The following PPP2R5C variants were observed in gnomAD, a reference collection of about 807,000 sequenced individuals.
PPP2R5C encodes serine/threonine-protein phosphatase 2A 56 kDa regulatory subunit gamma isoform.
Under a neutral mutation model 68.9 loss-of-function variants are expected in PPP2R5C, and 7 were observed. That is an observed-to-expected ratio of 0.10 (90% CI 0.06 to 0.19). The LOEUF (loss-of-function observed/expected upper bound fraction) is 0.19. Among genes scored for constraint, PPP2R5C ranks in the 10% least tolerant of loss-of-function variants. The pLI, the probability that PPP2R5C is intolerant of heterozygous loss-of-function variation, is 1.00. For missense variants in PPP2R5C, 348 were observed against 641.3 expected, an observed-to-expected ratio of 0.54 and a Z score of 4.94; for synonymous variants, 210 against 222.2, an observed-to-expected ratio of 0.95 and a Z score of 0.49.
intron 2 of PPP2R5C, among the ~76,000 whole-genome samples, chr14:101,770,381 C>T (rs958428562): frequency 6.6e-6 from 1 of 152,180 alleles, no homozygotes; most frequent in Admixed American, 6.5e-5. Flanking sequence ...TGAAGTGTAG[C>T]ACCTGTTGCT....
rs753931758 is a variant in PPP2R5C, at chr14:101,890,314, G to A, written c.689+18G>A. 1.2e-5 allele frequency: 19 copies of A among 1,607,862 alleles called. No individual in the cohort carries two copies. Among genetic ancestry groups the A allele is most frequent in the Non-Finnish European group, 1.5e-5 (18 of 1,174,674 alleles). ...TTGGGAAGGTAAGCCTCTGTTATGG[G>A]TAGCAAACGGCTGTAGATGGAATTT... On this transcript the variant is annotated intron_variant, in intron 6 of 13. Transcript: ENST00000334743.
intron 8 of PPP2R5C, among the ~76,000 whole-genome samples, chr14:101,898,940 T>C (rs2045519376): frequency 6.6e-6 from 1 of 152,154 alleles, no homozygotes; most frequent in Admixed American, 6.5e-5. Flanking sequence ...TTGGTAGCAC[T>C]AAGGACACCT....
chr14:101,880,469 A>G (rs1246693358), intron 2 of PPP2R5C, among the ~76,000 whole-genome samples: 1 of 152,128 alleles, frequency 6.6e-6, no homozygotes, highest in Non-Finnish European at 1.5e-5. Context: ...AAATGATATT[A>G]AGGTTTGGAG....
Position 101,926,923 on chromosome 14 carries a change from G to A in PPP2R5C, c.*1651G>A, listed in dbSNP as rs1595576581. 2.6e-5 allele frequency: 4 copies of A among 152,112 alleles called. No homozygotes were observed. In the South Asian group the frequency reaches 6.2e-4, roughly 24 times the overall value. The allele number at this position is 152,112 out of a possible 1,614,324, so 9.4% of individuals were successfully genotyped here. On this transcript the variant is annotated 3_prime_UTR_variant, in exon 14 of 14. Transcript: ENST00000334743. ...GCGAAGATTGCCCCAGCTAAAAGTGGACAAGTCCGCTTTGTGAGATGAATA... is the reference window on the plus strand; with the variant it reads ...GCGAAGATTGCCCCAGCTAAAAGTGAACAAGTCCGCTTTGTGAGATGAATA...
At chr14:101,798,680 C>T (rs1217629896) in intron 3 of PPP2R5C, among the ~76,000 whole-genome samples, 1 of 152,250 alleles carries the variant, frequency 6.6e-6, no homozygotes, top group Non-Finnish European at 1.5e-5. Flanking sequence ...CCATATTGAG[C>T]ACTGTGGCCT....
At chr14:101,895,204 T>C (rs2045234928) in intron 8 of PPP2R5C, among the ~76,000 whole-genome samples, 2 of 152,212 alleles carry the variant, frequency 1.3e-5, no homozygotes, top group African/African-American at 4.8e-5. Flanking sequence ...TTAAATACAT[T>C]TTTTGAAACA....
intron 5 of PPP2R5C, among the ~76,000 whole-genome samples, chr14:101,884,611 C>G (rs1258862428): frequency 6.6e-6 from 1 of 152,242 alleles, no homozygotes; most frequent in Non-Finnish European, 1.5e-5. Flanking sequence ...TGGAGGAGGA[C>G]AGAGTCCAGT....
At chr14:101,925,475 G>A (rs1051531481) in exon 14 of PPP2R5C, 14 of 834,232 alleles carry the variant, frequency 1.7e-5, no homozygotes, top group Non-Finnish European at 2.4e-5. Flanking sequence ...CAGAGCCGCG[G>A]GTTGACGACG....
intron 1 of PPP2R5C, chr14:101,819,279 C>T (rs1285507577): frequency 3.9e-6 from 2 of 512,254 alleles, no homozygotes; most frequent in Admixed American, 3.2e-5. Context: ...AGTGTTCACC[C>T]TGGGCAGCCT....
chr14:101,815,574 G>A (rs2039608113), intron 1 of PPP2R5C, among the ~76,000 whole-genome samples: 1 of 152,174 alleles, frequency 6.6e-6, no homozygotes, highest in Non-Finnish European at 1.5e-5. Flanking sequence ...GTTCTCTGGT[G>A]ACACTGAGCA....
chr14:101,872,292 C>T (rs551746705), intron 2 of PPP2R5C, among the ~76,000 whole-genome samples: 38 of 138,880 alleles, frequency 2.7e-4, no homozygotes, highest in African/African-American at 6.2e-4. Context: ...GGTGCAATCA[C>T]GGCTCACTGC....
intron 2 of PPP2R5C, among the ~76,000 whole-genome samples, chr14:101,858,886 G>T (rs978510251): frequency 5.3e-5 from 8 of 152,166 alleles, no homozygotes; most frequent in Admixed American, 2.0e-4. Flanking sequence ...CCTCTCGTTT[G>T]TATTTCACAG....
At chr14:101,895,202 A>G (rs2045234641) in intron 8 of PPP2R5C, among the ~76,000 whole-genome samples, 1 of 152,192 alleles carries the variant, frequency 6.6e-6, no homozygotes, top group African/African-American at 2.4e-5. Context: ...ATTTAAATAC[A>G]TTTTTTGAAA....
rs919096803 is a variant in PPP2R5C at position 101,893,214 on chromosome 14, C to G, written c.798+106C>G. 4.3e-6 allele frequency: 3 copies of G among 700,196 alleles called. No homozygotes were observed. In the African/African-American group the frequency reaches 5.4e-5, roughly 13 times the overall value. 43.4% of individuals were successfully genotyped at this position (700,196 alleles called of 1,614,324 possible). A position where few individuals can be genotyped will look rare whatever the true frequency, so the allele number is the denominator to read the frequency against. ...CTGAGAGTGCTTTCTTCTTTATAGG[C>G]CTGTACTAACTTTGGTAACAAACTT... On this transcript the variant is annotated intron_variant, in intron 7 of 13. Coordinates refer to ENST00000334743, the Ensembl canonical transcript of PPP2R5C.
Position 101,917,683 on chromosome 14 carries a change from C to A in PPP2R5C, c.1327-148C>A. The A allele has an allele frequency of 2.0e-6, 2 of 980,552 alleles. No homozygotes were observed. The highest frequency in any genetic ancestry group is 3.0e-6 in the Non-Finnish European group (2 of 666,760). The allele number at this position is 980,552 out of a possible 1,614,324, so 60.7% of individuals were successfully genotyped here. A position where few individuals can be genotyped will look rare whatever the true frequency, so the allele number is the denominator to read the frequency against. On this transcript the variant is annotated intron_variant, in intron 12 of 13. Transcript: ENST00000334743. The surrounding 1 kb of genome is among the most constrained non-coding windows in gnomAD (Gnocchi z 4.4). ...AGAAGTCAGCAGCCGCATCATGTTG[C>A]AGGTGTAGGCGAGTCTCCCACTGAG...
rs528323818 is a variant in PPP2R5C at position 101,856,882 on chromosome 14, T to C, written c.291T>C (p.His97=). Residue 97 remains histidine, a synonymous_variant, in exon 2 of 14, where the codon CAT becomes CAC. Coordinates refer to ENST00000334743, the Ensembl canonical transcript of PPP2R5C. ...AGCCTATTTACCCAGAAGTAGTCCA[T>C]ATGGTAAGTGATTACAGTTTAACCA... 4 of 1,612,874 alleles carry C rather than the reference T, an allele frequency of 2.5e-6. No homozygotes were observed. In the East Asian group the frequency reaches 8.9e-5, roughly 36 times the overall value.
chr14:101,856,836 A>G (rs1234381675), exon 2 of PPP2R5C: 2 of 1,614,216 alleles, frequency 1.2e-6, no homozygotes, highest in East Asian at 2.2e-5. Flanking sequence ...TATATCACCC[A>G]TAATCGGAAT....
intron 1 of PPP2R5C, among the ~76,000 whole-genome samples, chr14:101,852,764 G>A (rs182319870): frequency 2.6e-5 from 4 of 152,076 alleles, no homozygotes; most frequent in East Asian, 3.9e-4. Flanking sequence ...GAGCCACCGC[G>A]CCTGGCCAGA....
intron 2 of PPP2R5C, among the ~76,000 whole-genome samples, chr14:101,764,034 C>T (rs920233226): frequency 2.9e-5 from 4 of 140,038 alleles, no homozygotes; most frequent in African/African-American, 5.4e-5. Context: ...TGTGTGGGCG[C>T]GCGCACTTGC....
Sources: allele counts gnomAD v4.1 joint callset (sites outside exome capture counted in the v4.1 genomes callset), GRCh38; gene constraint gnomAD v4.1.1; non-coding constraint Gnocchi (gnomAD v3.1); transcripts MANE v1.5; gene names NCBI Gene and HGNC (gene_info 2026-07-23, HGNC 2026-07-21).